EFHC2: variants seen among roughly 807,000 people sequenced by gnomAD.
EFHC2 encodes EF-hand domain containing 2.
Under a neutral mutation model 52.7 loss-of-function variants are expected in EFHC2, and 18 were observed. The observed-to-expected ratio is 0.34, with a 90% CI of 0.24 to 0.51. EFHC2 has a LOEUF of 0.51. Among genes scored for constraint, EFHC2 ranks in the 20% least tolerant of loss-of-function variants. The pLI, the probability that EFHC2 is intolerant of heterozygous loss-of-function variation, is 0.97. For missense variants in EFHC2, 513 were observed against 562.5 expected, an observed-to-expected ratio of 0.91 and a Z score of 0.89; for synonymous variants, 203 against 204.1, an observed-to-expected ratio of 0.99 and a Z score of 0.04.
intron 14 of EFHC2, among the ~76,000 whole-genome samples, chrX:44,155,543 A>G (rs961105673): frequency 8.9e-6 from 1 of 112,549 alleles, no homozygotes; most frequent in Non-Finnish European, 1.9e-5. Context: ...TCGGGAGCCA[A>G]TTAAATTCCA....
intron 1 of EFHC2, among the ~76,000 whole-genome samples, chrX:44,325,434 A>T (rs888968635): frequency 9.0e-6 from 1 of 110,868 alleles, no homozygotes; most frequent in Non-Finnish European, 1.9e-5. Flanking sequence ...CCTGATTCCC[A>T]TTCCACCACT....
intron 4 of EFHC2, among the ~76,000 whole-genome samples, chrX:44,250,660 T>TA (rs751502202): frequency 6.1e-4 from 57 of 93,137 alleles, no homozygotes; most frequent in East Asian, 6.7e-4. Flanking sequence ...ACACAACTCT[T>TA]AAAAAAAAAA....
intron 2 of EFHC2, among the ~76,000 whole-genome samples, chrX:44,282,117 T>G (rs1034867504): frequency 2.7e-5 from 3 of 110,373 alleles, no homozygotes; most frequent in Non-Finnish European, 3.8e-5. Flanking sequence ...AGATGTTCTT[T>G]GCAGCTTTTT....
In EFHC2 at chrX:44,198,009, C is replaced by T. The variant is rs781603422; in HGVS notation, c.1752-19445G>A. Among the ~76,000 whole-genome samples the T allele has an allele frequency of 5.3e-5, 6 of 112,180 alleles. No homozygotes were observed. In the South Asian group the frequency reaches 1.1e-3, roughly 21 times the overall value. On this transcript the variant is annotated intron_variant, in intron 11 of 14. Transcript: ENST00000420999. The stretch of plus-strand genomic sequence containing the variant: ...TGTTAGCAACTAAATGGCTATATAG[C>T]GGCCTTGCTTTTATTCATAGAAGCT...
intron 4 of EFHC2, 21 bp downstream of exon 4, chrX:44,261,054 C>G: frequency 1.7e-6 from 2 of 1,176,643 alleles, no homozygotes; most frequent in Non-Finnish European, 1.2e-6. Context: ...GACAAGAACT[C>G]AACAAACGTC....
intron 13 of EFHC2, among the ~76,000 whole-genome samples, chrX:44,171,025 T>G (rs998887759): frequency 1.1e-4 from 12 of 112,202 alleles, no homozygotes; most frequent in Admixed American, 6.6e-4. Context: ...AAAACCTCCA[T>G]AAATTCTTCT....
At chrX:44,336,339 A>G (rs750353244) in intron 1 of EFHC2, among the ~76,000 whole-genome samples, 6 of 108,415 alleles carry the variant, frequency 5.5e-5, no homozygotes, top group Non-Finnish European at 1.1e-4. Flanking sequence ...GTGAGCCAAG[A>G]TCGCGCCACT....
chrX:44,218,944 C>G (rs1175272139), intron 11 of EFHC2, among the ~76,000 whole-genome samples: 1 of 110,917 alleles, frequency 9.0e-6, no homozygotes, highest in Non-Finnish European at 1.9e-5. Flanking sequence ...AACCCAGGTA[C>G]CCTTTGGCAG....
chrX:44,157,801 A>G (rs2036620263), intron 14 of EFHC2, among the ~76,000 whole-genome samples: 1 of 91,524 alleles, frequency 1.1e-5, no homozygotes, highest in Non-Finnish European at 2.1e-5. Flanking sequence ...CCTTTATCAA[A>G]TCCATCTCCA....
chrX:44,275,871 G>A (rs1266917910), intron 2 of EFHC2, among the ~76,000 whole-genome samples: 1 of 105,493 alleles, frequency 9.5e-6, no homozygotes, highest in African/African-American at 3.5e-5. Context: ...CCGAGATGGT[G>A]CCACTGCACT....
intron 3 of EFHC2, among the ~76,000 whole-genome samples, chrX:44,263,616 T>G (rs1056292106): frequency 8.9e-6 from 1 of 112,304 alleles, no homozygotes; most frequent in African/African-American, 3.2e-5. Flanking sequence ...CTTTAATTCA[T>G]AGCACTGAAA....
intron 2 of EFHC2, among the ~76,000 whole-genome samples, chrX:44,306,088 G>A (rs2147377685): frequency 9.0e-6 from 1 of 111,043 alleles, no homozygotes; most frequent in East Asian, 2.9e-4. Context: ...CCCATAGCAG[G>A]ATCCAATCAG....
At chrX:44,312,858 CCTCA>C in intron 1 of EFHC2, 102 bp from the exon 2 acceptor site, 2 of 837,330 alleles carry the variant, frequency 2.4e-6, no homozygotes, top group Non-Finnish European at 3.2e-6. Flanking sequence ...TGTATTTTTC[CCTCA>C]CAAAATGCAA....
chrX:44,194,607 T>A (rs1463363111), intron 11 of EFHC2, among the ~76,000 whole-genome samples: 2 of 111,679 alleles, frequency 1.8e-5, no homozygotes, highest in Non-Finnish European at 3.8e-5. Context: ...TGGCTCTAAA[T>A]CAAAAAATAA....
At position 44,238,231 on chromosome X, in the gene EFHC2, T is replaced by C. The variant is rs1003427508; in HGVS notation, c.1281-2784A>G. Among the ~76,000 whole-genome samples, 14 of 111,315 alleles carry C rather than the reference T, an allele frequency of 1.3e-4. 1 individual carries two copies. In the Admixed American group the frequency reaches 1.3e-3, roughly 11 times the overall value. The stretch of plus-strand genomic sequence containing the variant: ...AACTCCTCACTTCTTTCATACTTCA[T>C]ATCCAGTTTGTCAGGGAATCCCACT... On this transcript the variant is annotated intron_variant, in intron 8 of 14. Transcript: ENST00000420999.
intron 3 of EFHC2, among the ~76,000 whole-genome samples, chrX:44,265,350 C>A (rs924127795): frequency 9.0e-6 from 1 of 111,150 alleles, no homozygotes; most frequent in African/African-American, 3.3e-5. Flanking sequence ...TGGATCAATG[C>A]AGCCTCAACC....
At chrX:44,173,819 G>C (rs769221182) in intron 13 of EFHC2, among the ~76,000 whole-genome samples, 1 of 112,103 alleles carries the variant, frequency 8.9e-6, no homozygotes, top group Non-Finnish European at 1.9e-5. Flanking sequence ...AGTCTGCTGA[G>C]AGAATGAGAG....
chrX:44,157,881 C>A (rs1453263195), intron 14 of EFHC2, among the ~76,000 whole-genome samples: 2 of 111,456 alleles, frequency 1.8e-5, no homozygotes, highest in Admixed American at 9.6e-5. Context: ...CCAGCTCTGT[C>A]CCCTTGGCAG....
chrX:44,265,625 A>G (rs1296821545), intron 3 of EFHC2, among the ~76,000 whole-genome samples: 3 of 111,551 alleles, frequency 2.7e-5, no homozygotes. Flanking sequence ...GCAGGCCTAG[A>G]GTACATCCAA....
Sources: gnomAD v4.1 joint callset for allele counts (sites outside exome capture counted in the v4.1 genomes callset) on GRCh38, gnomAD v4.1.1 for gene constraint, MANE v1.5 for transcripts, NCBI Gene and HGNC (gene_info 2026-07-23, HGNC 2026-07-21) for gene names.